Variants in RPS4X observed in about 807,000 individuals in gnomAD.
The protein encoded by RPS4X is ribosomal protein S4 X-linked, also known as small ribosomal subunit protein eS4, X isoform.
For missense variants in RPS4X, 90 were observed against 219.1 expected (o/e 0.41, Z 3.72); for synonymous variants, 76 against 76.8 (o/e 0.99, Z 0.06).
At chrX:72,272,974 C>T (rs1401688980) in intron 6 of RPS4X, among the ~76,000 whole-genome samples, 1 of 112,090 alleles carries the variant, frequency 8.9e-6, no homozygotes, top group Non-Finnish European at 1.9e-5. Context: ...CTATGAAACT[C>T]ACCGTATGCC....
Position 72,275,148 on chromosome X carries a change from C to T in RPS4X, c.265G>A (p.Val89Ile). Residue 89 changes from valine (V) to isoleucine (I), a missense_variant and splice_region_variant, in exon 4 of 7, where the codon GTC becomes ATC. Coordinates refer to ENST00000316084, the MANE Select transcript of RPS4X (RefSeq NM_001007.5). ...TCTCCCGTCTTGTCAATGCTGATGA[C>T]ATCTGAAATCAAGCAGTAACCGGTT... The part of the protein sequence containing the change: ...DITYPAGFMD[V>I]ISIDKTGENF... The T allele has an allele frequency of 8.5e-7, 1 of 1,172,764 alleles. No homozygotes were observed. Among genetic ancestry groups the T allele is most frequent in the Non-Finnish European group, 1.2e-6 (1 of 861,393 alleles).
At chrX:72,274,027 C>G in intron 4 of RPS4X, 55 bp from the exon 5 acceptor site, 1 of 1,078,588 alleles carries the variant, frequency 9.3e-7, no homozygotes, top group South Asian at 1.9e-5. Flanking sequence ...TACTTTTTAA[C>G]CCTATACAGG....
chrX:72,273,424 A>ATT lies in RPS4X; in HGVS notation c.533-36_533-35insAA, dbSNP rs770431341. 8.9e-5 allele frequency: 101 copies of ATT among 1,131,687 alleles called. No homozygotes were observed. The South Asian group carries it at 1.9e-3, about 21-fold the overall frequency. The allele number at this position is 1,131,687 out of a possible 1,213,427, so 93.3% of individuals were successfully genotyped here. ...AAGAAATAATCTGCTTCAACTCAAT[A>ATT]TAACAAATGACAAGCAGCTCAGAGA... On this transcript the variant is annotated intron_variant, in intron 5 of 6. Transcript: ENST00000316084.
chrX:72,275,549 A>C lies in RPS4X; in HGVS notation c.257T>G (p.Phe86Cys). The C allele has an allele frequency of 8.3e-7, 1 of 1,204,339 alleles. No individual in the cohort carries two copies. Residue 86 changes from phenylalanine (F) to cysteine (C), a missense_variant, in exon 3 of 7, where the codon TTC (phenylalanine) becomes TGC (cysteine). Coordinates refer to ENST00000316084, the MANE Select transcript of RPS4X (RefSeq NM_001007.5). ...GAGTATTTAAAACTTCTTACCCATG[A>C]ATCCAGCAGGGTAGGTTATATCAGT... Reference protein sequence around the residue: ...VRTDITYPAGFMDVISIDKTG... With the variant: ...VRTDITYPAGCMDVISIDKTG...
intron 1 of RPS4X, among the ~76,000 whole-genome samples, chrX:72,276,951 C>T (rs1233426470): frequency 1.8e-5 from 2 of 112,287 alleles, no homozygotes; most frequent in Non-Finnish European, 3.8e-5. Context: ...CTCCCGGGAT[C>T]AGGACGTATG....
Position 72,273,820 on chromosome X carries a change from A to G in RPS4X, c.513T>C (p.Asp171=). ...QIDLETGKIT[D]FIKFDTGNLC... ...GCTTACCAGTGTCGAACTTGATGAAATCAGTAATCTTGCCAGTCTCCAAAT... is the reference window on the plus strand; with the variant it reads ...GCTTACCAGTGTCGAACTTGATGAAGTCAGTAATCTTGCCAGTCTCCAAAT... The change falls in exon 5 of 7, where the codon GAT becomes GAC. Residue 171 remains aspartate, a synonymous_variant. Coordinates refer to ENST00000316084, the MANE Select transcript of RPS4X (RefSeq NM_001007.5). 1 of 1,209,667 alleles carries G rather than the reference A, an allele frequency of 8.3e-7. No homozygotes were observed. The highest frequency in any genetic ancestry group is 2.2e-5 in the Admixed American group (1 of 45,884).
rs138114368 is a variant in RPS4X at position 72,274,929 on chromosome X, T to G, written c.360+124A>C. 8.6e-4 allele frequency: 385 copies of G among 449,220 alleles called. 1 individual carries two copies. In the African/African-American group the frequency reaches 8.8e-3, roughly 10 times the overall value. The allele number at this position is 449,220 out of a possible 1,213,427, so 37.0% of individuals were successfully genotyped here. A position where few individuals can be genotyped will look rare whatever the true frequency, so the allele number is the denominator to read the frequency against. ...TCTCATCGAATTGTTAGCTAGATAT[T>G]TCCAGGTATGAGATTTTAACTAATC... On this transcript the variant is annotated intron_variant, in intron 4 of 6. Coordinates refer to ENST00000316084, the MANE Select transcript of RPS4X (RefSeq NM_001007.5).
chrX:72,272,819 A>C, intron 6 of RPS4X, 47 bp from the exon 7 acceptor site: 28 of 917,724 alleles, frequency 3.1e-5, no homozygotes, highest in Non-Finnish European at 4.1e-5. Flanking sequence ...ACACCAACTC[A>C]TAGTGGCTTG....
At chrX:72,274,601 ACTGT>A (rs1404922934) in intron 4 of RPS4X, 6 of 267,580 alleles carry the variant, frequency 2.2e-5, no homozygotes, top group Admixed American at 2.0e-4. Flanking sequence ...TGCCTCAAGG[ACTGT>A]CTGTTTCCTC....
intron 3 of RPS4X, 124 bp downstream of exon 3, chrX:72,275,420 G>A: frequency 3.7e-6 from 2 of 543,448 alleles, no homozygotes; most frequent in Non-Finnish European, 6.0e-6. Flanking sequence ...AAAAACAGAG[G>A]GAAGGTCAGG....
At chrX:72,272,977 C>T (rs779115490) in intron 6 of RPS4X, among the ~76,000 whole-genome samples, 1 of 112,029 alleles carries the variant, frequency 8.9e-6, no homozygotes, top group South Asian at 3.7e-4. Flanking sequence ...TGAAACTCAC[C>T]GTATGCCCTT....
At chrX:72,275,270 A>G in intron 3 of RPS4X, 120 bp from the exon 4 acceptor site, 1 of 488,644 alleles carries the variant, frequency 2.0e-6, no homozygotes, top group Non-Finnish European at 3.5e-6. Flanking sequence ...TTCTAATCCA[A>G]CAAGGATTCT....
At chrX:72,275,807 G>T in intron 2 of RPS4X, 83 bp from the exon 3 acceptor site, 1 of 829,209 alleles carries the variant, frequency 1.2e-6, no homozygotes, top group Non-Finnish European at 1.7e-6. Context: ...TCCACTAACT[G>T]AACACCAAGA....
Position 72,273,919 on chromosome X carries a change from A to G in RPS4X, c.414T>C (p.His138=). 11 of 1,209,852 alleles carry G rather than the reference A, an allele frequency of 9.1e-6. No individual in the cohort carries two copies. Among genetic ancestry groups the G allele is most frequent in the Non-Finnish European group, 1.2e-5 (11 of 894,581 alleles). Residue 138 remains histidine, a synonymous_variant, in exon 5 of 7, where the codon CAT becomes CAC. Coordinates refer to ENST00000316084, the MANE Select transcript of RPS4X (RefSeq NM_001007.5). ...KIFVGTKGIP[H]LVTHDARTIR... ...TGGTGCGGGCATCATGAGTCACCAGATGAGGGATTCCTTTTGTGCCCACAA... is the reference window on the plus strand; with the variant it reads ...TGGTGCGGGCATCATGAGTCACCAGGTGAGGGATTCCTTTTGTGCCCACAA...
intron 3 of RPS4X, 96 bp downstream of exon 3, chrX:72,275,448 G>T: frequency 1.4e-6 from 1 of 692,775 alleles, no homozygotes; most frequent in Non-Finnish European, 2.2e-6. Context: ...TCTGAGACTT[G>T]ACAGATTACA....
chrX:72,274,119 C>T, intron 4 of RPS4X, 147 bp from the exon 5 acceptor site: 1 of 504,920 alleles, frequency 2.0e-6, no homozygotes, highest in Non-Finnish European at 3.4e-6. Flanking sequence ...GCATAAAGCC[C>T]TTCTCTAGGC....
intron 4 of RPS4X, chrX:72,274,842 A>G (rs1602469443): frequency 1.1e-5 from 4 of 377,940 alleles, no homozygotes; most frequent in Non-Finnish European, 1.9e-5. Flanking sequence ...GTATCCATCA[A>G]TGCCCTACAG....
rs2043185261 is a variant in RPS4X at position 72,272,604 on chromosome X, G to T, written c.*67C>A. On this transcript the variant is annotated 3_prime_UTR_variant, in exon 7 of 7. Transcript: ENST00000316084. ...AAAAAACAACCCACAAAACCAAAAT[G>T]CTATTAATCCTGCCACAATATTTTT... The T allele has an allele frequency of 1.3e-6, 1 of 758,240 alleles. No homozygotes were observed. Among genetic ancestry groups the T allele is most frequent in the Non-Finnish European group, 2.0e-6 (1 of 511,342 alleles). The allele number at this position is 758,240 out of a possible 1,213,427, so 62.5% of individuals were successfully genotyped here.
intron 1 of RPS4X, 66 bp downstream of exon 1, chrX:72,277,127 G>A: frequency 2.5e-6 from 3 of 1,181,473 alleles, no homozygotes; most frequent in Non-Finnish European, 3.4e-6. Flanking sequence ...CGAAACCTCG[G>A]GCAGCCCCGG....
Sources: gnomAD v4.1 joint callset for allele counts (sites outside exome capture counted in the v4.1 genomes callset) on GRCh38, gnomAD v4.1.1 for gene constraint, MANE v1.5 for transcripts, NCBI Gene and HGNC (gene_info 2026-07-23, HGNC 2026-07-21) for gene names.